Variants in XPO5 observed in about 807,000 individuals in gnomAD.
The protein encoded by XPO5 is exportin 5, also known as exportin-5.
In XPO5, 46 loss-of-function variants were observed where a neutral mutation model predicts 160.6. The observed-to-expected ratio is 0.29, with a 90% CI of 0.23 to 0.37. The LOEUF is 0.37. Among genes scored for constraint, XPO5 ranks in the 10% least tolerant of loss-of-function variants. XPO5 has a pLI of 1.00. For synonymous variants in XPO5, 537 were observed against 519.3 expected (o/e 1.03, Z -0.46); for missense variants, 1,090 against 1,463.9 (o/e 0.74, Z 4.17).
chr6:43,539,453 A>G, intron 20 of XPO5: 3 of 1,571,590 alleles, frequency 1.9e-6, no homozygotes, highest in Middle Eastern at 1.9e-4. Flanking sequence ...GGGCAGGGAG[A>G]AGAGATAGAT....
At chr6:43,525,026 C>A in intron 29 of XPO5, 58 bp from the exon 30 acceptor site, 1 of 1,594,024 alleles carries the variant, frequency 6.3e-7, no homozygotes. Flanking sequence ...CCTCAGCACC[C>A]CAGTTCTTCT....
intron 20 of XPO5, among the ~76,000 whole-genome samples, chr6:43,541,631 T>C (rs1245691002): frequency 7.3e-6 from 1 of 136,838 alleles, no homozygotes; most frequent in Non-Finnish European, 1.5e-5. Flanking sequence ...ATGTACTTTC[T>C]GTCTCTAGAT....
At chr6:43,531,370 A>T in intron 22 of XPO5, 109 bp downstream of exon 22, 2 of 970,668 alleles carry the variant, frequency 2.1e-6, no homozygotes, top group Non-Finnish European at 3.2e-6. Flanking sequence ...TTCCTATCAA[A>T]CTCTTGCCTC....
intron 20 of XPO5, among the ~76,000 whole-genome samples, chr6:43,542,693 T>C (rs1403015238): frequency 1.3e-5 from 2 of 152,168 alleles, no homozygotes; most frequent in Non-Finnish European, 2.9e-5. Flanking sequence ...CCCAAAGTGC[T>C]TGGATTACAG....
At chr6:43,568,806 A>C in intron 5 of XPO5, 69 bp from the exon 6 acceptor site, 1 of 1,326,276 alleles carries the variant, frequency 7.5e-7, no homozygotes. Flanking sequence ...TCTACCCCCC[A>C]CAAATCAATG....
rs1159210760 is a variant in XPO5, at chr6:43,523,028, C to T, written c.*840G>A. 3.1e-5 allele frequency: 5 copies of T among 163,924 alleles called. No homozygotes were observed. Among genetic ancestry groups the T allele is most frequent in the African/African-American group, 1.2e-4 (5 of 41,774 alleles). 10.2% of individuals were successfully genotyped at this position (163,924 alleles called of 1,614,324 possible). On this transcript the variant is annotated 3_prime_UTR_variant, in exon 32 of 32. Transcript: ENST00000265351. The stretch of plus-strand genomic sequence containing the variant: ...ACCAGCGGCTTTGCTAGCTGCTCAT[C>T]ACAGATGTAGCCTAGTTGGTCTGTA...
intron 27 of XPO5, 139 bp downstream of exon 27, chr6:43,526,546 C>T: frequency 1.1e-6 from 1 of 933,024 alleles, no homozygotes; most frequent in Non-Finnish European, 1.7e-6. Context: ...AGGCACACAG[C>T]AAGAGGGCTG....
At chr6:43,533,658 AAG>A (rs1178474606) in intron 21 of XPO5, 2 of 289,942 alleles carry the variant, frequency 6.9e-6, no homozygotes, top group Non-Finnish European at 1.4e-5. Context: ...GCAACATAGC[AAG>A]ACTCTGTCTC....
At chr6:43,529,979 G>A (rs1793860341) in intron 23 of XPO5, among the ~76,000 whole-genome samples, 1 of 151,844 alleles carries the variant, frequency 6.6e-6, no homozygotes, top group African/African-American at 2.4e-5. Context: ...TCACAGCTGG[G>A]CATGGTGGCT....
At chr6:43,530,209 A>G (rs1793878088) in intron 23 of XPO5, among the ~76,000 whole-genome samples, 1 of 152,178 alleles carries the variant, frequency 6.6e-6, no homozygotes, top group Admixed American at 6.5e-5. Flanking sequence ...GTAAGACAAG[A>G]TCATGCCACT....
intron 20 of XPO5, 44 bp from the exon 21 acceptor site, chr6:43,534,051 G>A: frequency 2.0e-6 from 3 of 1,477,352 alleles, no homozygotes; most frequent in Non-Finnish European, 2.8e-6. Flanking sequence ...ATCTGATGCA[G>A]AAGGAAAGAG....
At chr6:43,544,759 C>T (rs1348348768) in intron 20 of XPO5, among the ~76,000 whole-genome samples, 1 of 152,180 alleles carries the variant, frequency 6.6e-6, no homozygotes, top group Non-Finnish European at 1.5e-5. Context: ...TTAATAAAAA[C>T]ATCACGATAG....
chr6:43,574,076 T>C (rs1763160180), intron 1 of XPO5, among the ~76,000 whole-genome samples: 1 of 151,954 alleles, frequency 6.6e-6, no homozygotes, highest in Non-Finnish European at 1.5e-5. Context: ...GTGACCCACC[T>C]GCCTTGGCCT....
intron 20 of XPO5, among the ~76,000 whole-genome samples, chr6:43,535,648 A>C (rs1229588514): frequency 6.6e-6 from 1 of 151,546 alleles, no homozygotes; most frequent in African/African-American, 2.4e-5. Flanking sequence ...ATCTCTACTA[A>C]AAATACAAAA....
intron 9 of XPO5, 89 bp from the exon 10 acceptor site, chr6:43,561,096 A>G (rs1582238245): frequency 9.1e-7 from 1 of 1,098,628 alleles, no homozygotes; most frequent in East Asian, 2.4e-5. Context: ...GATAAATTAA[A>G]CCCTCAAAAA....
intron 15 of XPO5, chr6:43,551,075 A>T (rs1411502883): frequency 2.8e-6 from 1 of 361,114 alleles, no homozygotes; most frequent in Non-Finnish European, 4.9e-6. Flanking sequence ...TGCCTCACAT[A>T]ATTTTAAAAA....
chr6:43,555,633 CTAATT>C, intron 13 of XPO5, 198 bp downstream of exon 13: 2 of 495,080 alleles, frequency 4.0e-6, no homozygotes, highest in Admixed American at 7.4e-5. Flanking sequence ...TGGTTTTACC[CTAATT>C]TAAAACAAAT....
intron 3 of XPO5, among the ~76,000 whole-genome samples, chr6:43,571,893 T>C (rs972088715): frequency 1.3e-4 from 19 of 151,946 alleles, no homozygotes; most frequent in African/African-American, 2.4e-4. Flanking sequence ...TAGTATCACA[T>C]AGTAGTTGTT....
chr6:43,535,255 G>C (rs1407017045), intron 20 of XPO5, among the ~76,000 whole-genome samples: 1 of 148,836 alleles, frequency 6.7e-6, no homozygotes, highest in Admixed American at 6.6e-5. Flanking sequence ...GCGAGACTCT[G>C]TCTCAAAAAA....
Sources: gnomAD v4.1 joint callset for allele counts (sites outside exome capture counted in the v4.1 genomes callset) on GRCh38, gnomAD v4.1.1 for gene constraint, MANE v1.5 for transcripts, NCBI Gene and HGNC (gene_info 2026-07-23, HGNC 2026-07-21) for gene names.